AGTR1: variants seen among roughly 807,000 people sequenced by gnomAD.
AGTR1 encodes the protein type-1 angiotensin II receptor.
In AGTR1, 16 loss-of-function variants were observed where a neutral mutation model predicts 19.4. The ratio of observed to expected loss-of-function variants is 0.82; its 90% CI spans 0.56 to 1.25. The LOEUF is 1.25. Ranked by LOEUF, AGTR1 falls within the 50% of genes most tolerant of loss-of-function variation. The probability of loss-of-function intolerance (pLI) is 0.00; values close to 1 mark genes in which losing one functional copy is unlikely to be tolerated. For synonymous variants in AGTR1, 153 were observed against 154.9 expected, an observed-to-expected ratio of 0.99 and a Z score of 0.09; for missense variants, 373 against 431.9, an observed-to-expected ratio of 0.86 and a Z score of 1.21.
At chr3:148,726,743 A>C (rs1413070359) in intron 2 of AGTR1, among the ~76,000 whole-genome samples, 2 of 152,102 alleles carry the variant, frequency 1.3e-5, no homozygotes, top group Non-Finnish European at 2.9e-5. Context: ...GTTCTCAATG[A>C]AGAGACCTTT....
chr3:148,726,456 C>G (rs140749639), intron 2 of AGTR1, among the ~76,000 whole-genome samples: 30 of 152,286 alleles, frequency 2.0e-4, no homozygotes, highest in African/African-American at 6.5e-4. Context: ...ATCCGCCCAC[C>G]TTGGCCTCCC....
intron 2 of AGTR1, among the ~76,000 whole-genome samples, chr3:148,709,639 G>A (rs763981838): frequency 6.6e-5 from 10 of 152,088 alleles, no homozygotes; most frequent in African/African-American, 9.7e-5. Context: ...TGGTTTTCCT[G>A]TAAAATAATC....
At chr3:148,731,324 T>G (rs1714243132) in intron 2 of AGTR1, 1 of 152,172 alleles carries the variant, frequency 6.6e-6, no homozygotes, top group Non-Finnish European at 1.5e-5. Flanking sequence ...GGGGTCAGTT[T>G]GTACCCAAAC....
At chr3:148,704,932 T>G (rs1169226493) in intron 1 of AGTR1, among the ~76,000 whole-genome samples, 1 of 152,186 alleles carries the variant, frequency 6.6e-6, no homozygotes, top group Non-Finnish European at 1.5e-5. Context: ...GCACTGACAT[T>G]ACAACATCTA....
At chr3:148,703,399 A>G (rs1712468116) in intron 1 of AGTR1, among the ~76,000 whole-genome samples, 1 of 152,324 alleles carries the variant, frequency 6.6e-6, no homozygotes, top group South Asian at 2.1e-4. Context: ...TTAAGGGAAA[A>G]GAAACACAGT....
chr3:148,729,448 T>C (rs1714131476), intron 2 of AGTR1, among the ~76,000 whole-genome samples: 1 of 152,216 alleles, frequency 6.6e-6, no homozygotes, highest in Non-Finnish European at 1.5e-5. Flanking sequence ...TTTTTGCAAT[T>C]CTCTTGGAAA....
intron 1 of AGTR1, among the ~76,000 whole-genome samples, chr3:148,703,026 A>G (rs959267597): frequency 2.0e-5 from 3 of 152,190 alleles, no homozygotes. Context: ...TAAAGTGGAG[A>G]AAAGAGTAAG....
intron 2 of AGTR1, among the ~76,000 whole-genome samples, chr3:148,738,603 T>G (rs1210101548): frequency 6.6e-6 from 1 of 152,182 alleles, no homozygotes; most frequent in African/African-American, 2.4e-5. Flanking sequence ...ATCCTCTGGG[T>G]GAGGAAGAAC....
chr3:148,738,202 G>A (rs1283609683), intron 2 of AGTR1, among the ~76,000 whole-genome samples: 1 of 152,020 alleles, frequency 6.6e-6, no homozygotes, highest in Non-Finnish European at 1.5e-5. Flanking sequence ...TCATAGCTCA[G>A]GGCACCCAAG....
rs375113445 is a variant in AGTR1, at chr3:148,706,968, A to G, written c.-131-976A>G. Among the ~76,000 whole-genome samples the G allele has an allele frequency of 4.2e-4, 64 of 152,186 alleles. No individual in the cohort carries two copies. In the East Asian group the frequency reaches 6.6e-3, roughly 16 times the overall value. ...TAGAATTTATTATATAGATACATTC[A>G]TATAAGTACAAAAGTGCATATATGT... On this transcript the variant is annotated intron_variant, in intron 1 of 2. Coordinates refer to ENST00000349243, the MANE Select transcript of AGTR1 (RefSeq NM_000685.5).
intron 2 of AGTR1, among the ~76,000 whole-genome samples, chr3:148,726,665 A>C (rs1429394850): frequency 1.3e-5 from 2 of 151,876 alleles, no homozygotes; most frequent in African/African-American, 4.8e-5. Context: ...TTTGTACTTT[A>C]TGGGCTTTTT....
intron 2 of AGTR1, among the ~76,000 whole-genome samples, chr3:148,728,184 T>A (rs1185246819): frequency 6.6e-6 from 1 of 152,094 alleles, no homozygotes; most frequent in African/African-American, 2.4e-5. Context: ...TTACAGAATG[T>A]CAAAAACGTA....
At chr3:148,727,397 C>G (rs12695897) in intron 2 of AGTR1, among the ~76,000 whole-genome samples, 1 of 152,156 alleles carries the variant, frequency 6.6e-6, no homozygotes, top group Non-Finnish European at 1.5e-5. Flanking sequence ...GGATACAGAT[C>G]GATGCCCTCT....
chr3:148,730,357 G>A (rs1005178032), intron 2 of AGTR1: 16 of 390,116 alleles, frequency 4.1e-5, no homozygotes, highest in Non-Finnish European at 5.9e-5. Context: ...AGTTCTTCCT[G>A]AGAAGGTATG....
At chr3:148,724,733 A>G (rs1713833468) in intron 2 of AGTR1, among the ~76,000 whole-genome samples, 1 of 152,200 alleles carries the variant, frequency 6.6e-6, no homozygotes, top group African/African-American at 2.4e-5. Context: ...CTAGTTTCTG[A>G]TAAGATATAA....
intron 2 of AGTR1, among the ~76,000 whole-genome samples, chr3:148,722,798 A>C (rs2107949717): frequency 6.6e-6 from 1 of 152,160 alleles, no homozygotes; most frequent in East Asian, 1.9e-4. Flanking sequence ...AACTCATGAA[A>C]TATTATCTCT....
chr3:148,699,438 T>C (rs1408113451), intron 1 of AGTR1, among the ~76,000 whole-genome samples: 1 of 152,176 alleles, frequency 6.6e-6, no homozygotes, highest in Admixed American at 6.5e-5. Flanking sequence ...AGGCCCCACC[T>C]GCATAACCTG....
chr3:148,732,658 C>A (rs904841701), intron 2 of AGTR1, among the ~76,000 whole-genome samples: 1 of 150,712 alleles, frequency 6.6e-6, no homozygotes, highest in African/African-American at 2.4e-5. Flanking sequence ...ACTTGTCAAG[C>A]AATTTTGCCC....
chr3:148,708,548 TGA>T (rs927056332), intron 2 of AGTR1, among the ~76,000 whole-genome samples: 20 of 151,994 alleles, frequency 1.3e-4, no homozygotes, highest in African/African-American at 4.8e-4. Flanking sequence ...CCTCCAATGA[TGA>T]GATATAGGAA....
Sources: allele counts gnomAD v4.1 joint callset (sites outside exome capture counted in the v4.1 genomes callset), GRCh38; gene constraint gnomAD v4.1.1; transcripts MANE v1.5; gene names NCBI Gene and HGNC (gene_info 2026-07-23, HGNC 2026-07-21).